ADAM20: variants seen among roughly 807,000 people sequenced by gnomAD.
The protein encoded by ADAM20 is ADAM metallopeptidase domain 20.
For missense variants in ADAM20, 871 were observed against 883.2 expected (o/e 0.99, Z 0.18); for synonymous variants, 305 against 310.2 (o/e 0.98, Z 0.18).
At chr14:70,534,714 C>G (rs538829775) in intron 1 of ADAM20, 83 bp downstream of exon 1, 1 of 152,086 alleles carries the variant, frequency 6.6e-6, no homozygotes, top group African/African-American at 2.4e-5. Flanking sequence ...TTCAGTCATA[C>G]AAGATGAAAA....
Position 70,524,747 on chromosome 14 carries a change from C to T in ADAM20, c.11G>A (p.Gly4Asp). 1 of 1,613,954 alleles carries T rather than the reference C, an allele frequency of 6.2e-7. No homozygotes were observed. Among genetic ancestry groups the T allele is most frequent in the South Asian group, 1.1e-5 (1 of 91,074 alleles). Residue 4 changes from glycine (G) to aspartate (D), a missense_variant, in exon 2 of 2, where the codon GGT becomes GAT. Coordinates refer to ENST00000256389, the MANE Select transcript of ADAM20 (RefSeq NM_003814.5). MAV[G>D]EPLVHIRVTL... ...GACCCTGATGTGCACCAGGGGCTCACCCACTGCCATTATGAAGCTGTCATT... is the reference window on the plus strand; with the variant it reads ...GACCCTGATGTGCACCAGGGGCTCATCCACTGCCATTATGAAGCTGTCATT...
At chr14:70,557,646 A>G in the ADAM20 span, among the ~76,000 whole-genome samples, 1 of 152,272 alleles carries the variant, frequency 6.6e-6, no homozygotes, top group Non-Finnish European at 1.5e-5. Flanking sequence ...ATCACTGTCC[A>G]GTGACTTCCA....
At chr14:70,545,673 TA>T in the ADAM20 span, among the ~76,000 whole-genome samples, 1 of 152,214 alleles carries the variant, frequency 6.6e-6, no homozygotes, top group Non-Finnish European at 1.5e-5. Flanking sequence ...ATGACAATTG[TA>T]AATATATATG....
intron 1 of ADAM20, among the ~76,000 whole-genome samples, chr14:70,525,624 C>A (rs1349188381): frequency 6.6e-6 from 1 of 152,098 alleles, no homozygotes; most frequent in African/African-American, 2.4e-5. Flanking sequence ...ACAACACATC[C>A]AAAATCCACC....
At position 70,523,663 on chromosome 14, in the gene ADAM20, T is replaced by C. The variant is rs1314421370; in HGVS notation, c.1095A>G (p.Ile365Met). Residue 365 changes from isoleucine to methionine, a missense_variant, in exon 2 of 2, where the codon ATA (isoleucine) becomes ATG (methionine). Coordinates refer to ENST00000256389, the MANE Select transcript of ADAM20 (RefSeq NM_003814.5). ...QWCVCELQWCIMHAYRKVTTK... is the reference protein window; with the variant it reads ...QWCVCELQWCMMHAYRKVTTK... ...TTGTCACCTTTCTATAGGCATGCAT[T>C]ATGCACCACTGTAGCTCGCACACAC... is the stretch of plus-strand genomic sequence containing the variant. 6.2e-7 allele frequency: 1 copy of C among 1,614,100 alleles called. No individual in the cohort carries two copies. Among genetic ancestry groups the C allele is most frequent in the African/African-American group, 1.3e-5 (1 of 75,042 alleles).
At chr14:70,530,079 G>A (rs529681185) in intron 1 of ADAM20, among the ~76,000 whole-genome samples, 2 of 152,256 alleles carry the variant, frequency 1.3e-5, no homozygotes, top group South Asian at 4.1e-4. Flanking sequence ...TCAGGAGTTT[G>A]AAACCAGCCT....
chr14:70,534,088 A>C (rs1474524111), intron 1 of ADAM20, among the ~76,000 whole-genome samples: 4 of 116,394 alleles, frequency 3.4e-5, no homozygotes, highest in African/African-American at 1.3e-4. Context: ...GTCTCAAAAA[A>C]AAAAAAAAAA....
chr14:70,558,335 G>A, the ADAM20 span, among the ~76,000 whole-genome samples: 11 of 152,192 alleles, frequency 7.2e-5, no homozygotes, highest in East Asian at 1.9e-4. Flanking sequence ...TACATAGATC[G>A]GATTTGATAT....
chr14:70,555,995 C>G, the ADAM20 span, among the ~76,000 whole-genome samples: 1 of 152,214 alleles, frequency 6.6e-6, no homozygotes, highest in African/African-American at 2.4e-5. Flanking sequence ...ACCCACGAGG[C>G]AGGGCTCCCT....
chr14:70,555,509 C>T, the ADAM20 span, among the ~76,000 whole-genome samples: 1 of 152,100 alleles, frequency 6.6e-6, no homozygotes, highest in Admixed American at 6.5e-5. Flanking sequence ...TACGAACACC[C>T]TCTTAGTCTT....
At chr14:70,547,259 C>G in the ADAM20 span, 1 of 152,372 alleles carries the variant, frequency 6.6e-6, no homozygotes, top group East Asian at 1.9e-4. Context: ...CTGAATTCTA[C>G]TCAAGCTTTA....
rs1167225839 is a variant in ADAM20 at position 70,523,484 on chromosome 14, G to T, written c.1274C>A (p.Thr425Asn). Residue 425 changes from threonine to asparagine, a missense_variant, in exon 2 of 2, where the codon ACC becomes AAC. Thr to Asn is a moderately conservative substitution (Grantham distance 65). Transcript: ENST00000256389. ...GGGATCTTTTGCACACTGCCGTATG[G>T]TTCCACAGTCACATTCCTCCCCTTC... ...VEEGEECDCG[T>N]IRQCAKDPCC... is the part of the protein sequence containing the mutation. 6.2e-7 allele frequency: 1 copy of T among 1,614,056 alleles called. No individual in the cohort carries two copies. Among genetic ancestry groups the T allele is most frequent in the South Asian group, 1.1e-5 (1 of 91,084 alleles).
the ADAM20 span, among the ~76,000 whole-genome samples, chr14:70,567,711 TCA>T: frequency 1.3e-5 from 2 of 151,752 alleles, no homozygotes; most frequent in Admixed American, 6.6e-5. Context: ...AACAGAGAAA[TCA>T]CAGAGTTGCC....
the ADAM20 span, among the ~76,000 whole-genome samples, chr14:70,572,945 T>C: frequency 2.0e-5 from 3 of 152,016 alleles, no homozygotes; most frequent in African/African-American, 7.2e-5. Context: ...TAGATGTTGG[T>C]ATGGCTGTAG....
chr14:70,524,983 G>C (rs1883557932), intron 1 of ADAM20, 50 bp from the exon 2 acceptor site: 3 of 1,439,400 alleles, frequency 2.1e-6, no homozygotes, highest in African/African-American at 1.4e-5. Flanking sequence ...GAAAGAGAGA[G>C]AGAAAAAAGG....
Position 70,523,972 on chromosome 14 carries a change from T to C in ADAM20, c.786A>G (p.Ala262=). The C allele has an allele frequency of 6.2e-7, 1 of 1,614,022 alleles. No homozygotes were observed. ...VILTGIDIWT[A]SNPLPTSGDL... ...CTCCACTGGTAGGAAGTGGATTTGA[T>C]GCAGTCCATATATCAATTCCAGTCA... is the stretch of plus-strand genomic sequence containing the variant. Residue 262 remains alanine, a synonymous_variant, in exon 2 of 2, where the codon GCA becomes GCG. Coordinates refer to ENST00000256389, the MANE Select transcript of ADAM20 (RefSeq NM_003814.5).
the ADAM20 span, among the ~76,000 whole-genome samples, chr14:70,568,142 T>A: frequency 6.6e-6 from 1 of 151,840 alleles, no homozygotes; most frequent in African/African-American, 2.4e-5. Flanking sequence ...CTGAGATAAG[T>A]TTCCTAAGAC....
chr14:70,558,989 A>T, the ADAM20 span, among the ~76,000 whole-genome samples: 1 of 152,090 alleles, frequency 6.6e-6, no homozygotes, highest in African/African-American at 2.4e-5. Context: ...TACTCATTCT[A>T]TTGTACTCAT....
the ADAM20 span, among the ~76,000 whole-genome samples, chr14:70,566,283 G>A: frequency 4.1e-4 from 63 of 152,168 alleles, no homozygotes; most frequent in African/African-American, 1.4e-3. Context: ...GATGTAAATT[G>A]TGACATCAAT....
Sources: allele counts gnomAD v4.1 joint callset (sites outside exome capture counted in the v4.1 genomes callset), GRCh38; gene constraint gnomAD v4.1.1; transcripts MANE v1.5; gene names NCBI Gene and HGNC (gene_info 2026-07-23, HGNC 2026-07-21).